Variants in CCDC171 observed in about 807,000 individuals in gnomAD.
CCDC171 encodes coiled-coil domain containing 171.
In CCDC171, 177 loss-of-function variants were observed where a neutral mutation model predicts 168.2. That is an observed-to-expected ratio of 1.05 (90% CI 0.93 to 1.19). The LOEUF (loss-of-function observed/expected upper bound fraction) is 1.19, where lower values mean the gene tolerates loss of function less well. CCDC171 is among the 50% of genes most tolerant of loss of function. The pLI, the probability that CCDC171 is intolerant of heterozygous loss-of-function variation, is 0.00. For synonymous variants in CCDC171, 687 were observed against 540.8 expected, an observed-to-expected ratio of 1.27 and a Z score of -3.75; for missense variants, 1,991 against 1,539.0, an observed-to-expected ratio of 1.29 and a Z score of -4.91.
chr9:15,689,026 T>C (rs1322436322), intron 10 of CCDC171, among the ~76,000 whole-genome samples: 1 of 152,174 alleles, frequency 6.6e-6, no homozygotes, highest in Non-Finnish European at 1.5e-5. Context: ...TAGGATACAA[T>C]ACAATATCCA....
chr9:15,916,577 C>T (rs1425892830), intron 24 of CCDC171, among the ~76,000 whole-genome samples: 1 of 151,902 alleles, frequency 6.6e-6, no homozygotes. Context: ...TAATATCAGT[C>T]CCCCAACTAT....
At chr9:15,609,795 G>T (rs1272965211) in intron 6 of CCDC171, among the ~76,000 whole-genome samples, 2 of 152,076 alleles carry the variant, frequency 1.3e-5, no homozygotes, top group Non-Finnish European at 2.9e-5. Context: ...TATTTTTTAG[G>T]GGTGAGGGAG....
chr9:15,916,388 A>G lies in CCDC171; in HGVS notation c.3601-3882A>G, dbSNP rs573167715. 1.1e-4 allele frequency among the ~76,000 whole-genome samples: 14 copies of G among 132,590 alleles called. No individual in the cohort carries two copies. In the East Asian group the frequency reaches 2.8e-3, roughly 27 times the overall value. The allele number at this position is 132,590 out of a possible 152,430, so 87.0% of individuals were successfully genotyped here. A position where few individuals can be genotyped will look rare whatever the true frequency, so the allele number is the denominator to read the frequency against. On this transcript the variant is annotated intron_variant, in intron 24 of 25. Transcript: ENST00000380701. Reference sequence around the variant, plus strand: ...ATTTCACATATTTAGTATATTTGGCATATGTGTTTTACACAATATATTTAC... The same window carrying G: ...ATTTCACATATTTAGTATATTTGGCGTATGTGTTTTACACAATATATTTAC...
At chr9:15,584,351 A>G (rs2041385507) in intron 4 of CCDC171, among the ~76,000 whole-genome samples, 1 of 152,230 alleles carries the variant, frequency 6.6e-6, no homozygotes, top group African/African-American at 2.4e-5. Context: ...GAAAACCATA[A>G]CAAATTTATT....
chr9:15,815,514 A>C lies in CCDC171; in HGVS notation c.3267+30820A>C, dbSNP rs1187706713. On this transcript the variant is annotated intron_variant, in intron 21 of 25. Coordinates refer to ENST00000380701, the MANE Select transcript of CCDC171 (RefSeq NM_173550.4). ...TGGCAGAGGGTAACATTTTGTGATT[A>C]TTTACCTCCTTCTTATTTTAAATGT... 1.8e-5 allele frequency among the ~76,000 whole-genome samples: 2 copies of C among 110,012 alleles called. 1 individual carries two copies. The highest frequency in any genetic ancestry group is 6.9e-5 in the African/African-American group (2 of 29,146). 72.2% of individuals were successfully genotyped at this position (110,012 alleles called of 152,430 possible). A position where few individuals can be genotyped will look rare whatever the true frequency, so the allele number is the denominator to read the frequency against.
chr9:16,048,949 C>A (rs377227649), intron 1 of CCDC171, among the ~76,000 whole-genome samples: 85 of 137,070 alleles, frequency 6.2e-4, no homozygotes, highest in Non-Finnish European at 6.5e-4. Flanking sequence ...TATAGAAAGA[C>A]AAAAAAAAAA....
intron 23 of CCDC171, among the ~76,000 whole-genome samples, chr9:15,873,499 T>C (rs1232641609): frequency 6.6e-6 from 1 of 152,072 alleles, no homozygotes; most frequent in Admixed American, 6.6e-5. Flanking sequence ...GAGCTAATTG[T>C]ATAATATTTA....
At chr9:15,851,008 C>G (rs2061103419) in intron 23 of CCDC171, among the ~76,000 whole-genome samples, 1 of 151,964 alleles carries the variant, frequency 6.6e-6, no homozygotes, top group Admixed American at 6.6e-5. Flanking sequence ...AAAACTAAGT[C>G]TTACCCGCTG....
intron 25 of CCDC171, among the ~76,000 whole-genome samples, chr9:15,949,641 T>C (rs1828876066): frequency 6.6e-6 from 1 of 152,214 alleles, no homozygotes; most frequent in Non-Finnish European, 1.5e-5. Flanking sequence ...CTTGTGATTT[T>C]TGCACATTGA....
the CCDC171 span, among the ~76,000 whole-genome samples, chr9:16,068,029 A>G: frequency 6.6e-6 from 1 of 151,434 alleles, no homozygotes; most frequent in Non-Finnish European, 1.5e-5. Flanking sequence ...CCCTGTTTGC[A>G]GACGACATGA....
chr9:15,846,093 T>A (rs1316640208), intron 21 of CCDC171, among the ~76,000 whole-genome samples: 1 of 152,140 alleles, frequency 6.6e-6, no homozygotes, highest in Non-Finnish European at 1.5e-5. Context: ...ATGTTGATCC[T>A]ATTTGTGTTG....
At chr9:15,961,893 T>C (rs1830371140) in intron 25 of CCDC171, among the ~76,000 whole-genome samples, 2 of 152,148 alleles carry the variant, frequency 1.3e-5, no homozygotes, top group South Asian at 4.1e-4. Context: ...GCACCATATG[T>C]AATTTTGTGT....
chr9:15,721,401 A>T (rs1014824715), intron 11 of CCDC171, among the ~76,000 whole-genome samples: 2 of 151,912 alleles, frequency 1.3e-5, no homozygotes, highest in Admixed American at 6.6e-5. Flanking sequence ...TAGTTGTTGG[A>T]TAAAAGGTAT....
the CCDC171 span, among the ~76,000 whole-genome samples, chr9:16,083,239 G>A: frequency 3.9e-5 from 6 of 152,062 alleles, no homozygotes; most frequent in Admixed American, 6.5e-5. Flanking sequence ...TTATCCTCGC[G>A]ATAATCCTGG....
intron 25 of CCDC171, among the ~76,000 whole-genome samples, chr9:15,958,949 C>T (rs1332882143): frequency 6.6e-6 from 1 of 152,110 alleles, no homozygotes; most frequent in African/African-American, 2.4e-5. Context: ...GGATCATAAC[C>T]TGACTTCTTG....
intron 21 of CCDC171, among the ~76,000 whole-genome samples, chr9:15,786,391 C>A (rs918544607): frequency 6.6e-5 from 10 of 152,022 alleles, no homozygotes; most frequent in African/African-American, 2.4e-4. Context: ...TTAAAATAAT[C>A]TCAAATCATA....
intron 4 of CCDC171, among the ~76,000 whole-genome samples, chr9:15,580,981 A>G (rs1458601580): frequency 6.6e-6 from 1 of 152,210 alleles, no homozygotes; most frequent in African/African-American, 2.4e-5. Flanking sequence ...GGAAAAGAGG[A>G]AGTCACATTG....
intron 6 of CCDC171, among the ~76,000 whole-genome samples, chr9:16,030,107 G>C (rs1833342378): frequency 6.6e-6 from 1 of 152,154 alleles, no homozygotes; most frequent in African/African-American, 2.4e-5. Context: ...CATAAGGAGA[G>C]AGCCCTCATG....
intron 21 of CCDC171, among the ~76,000 whole-genome samples, chr9:15,823,409 G>C (rs549779611): frequency 6.6e-6 from 1 of 152,000 alleles, no homozygotes; most frequent in Admixed American, 6.6e-5. Flanking sequence ...TTTCACAGAT[G>C]TTTTCTCTTC....
Sources: allele counts gnomAD v4.1 joint callset (sites outside exome capture counted in the v4.1 genomes callset), GRCh38; gene constraint gnomAD v4.1.1; transcripts MANE v1.5; gene names NCBI Gene and HGNC (gene_info 2026-07-23, HGNC 2026-07-21).